LRMDA: variants seen among roughly 807,000 people sequenced by gnomAD.
The protein encoded by LRMDA is leucine rich melanocyte differentiation associated.
Under a neutral mutation model 29.8 loss-of-function variants are expected in LRMDA, and 18 were observed. The ratio of observed to expected loss-of-function variants is 0.60; its 90% CI spans 0.42 to 0.90. The LOEUF (loss-of-function observed/expected upper bound fraction) is 0.90. Among genes scored for constraint, LRMDA ranks in the 40% least tolerant of loss-of-function variants. The pLI, the probability that LRMDA is intolerant of heterozygous loss-of-function variation, is 0.00. For synonymous variants in LRMDA, 125 were observed against 109.4 expected (o/e 1.14, Z -0.89); for missense variants, 273 against 273.9 (o/e 1.00, Z 0.02).
intron 6 of LRMDA, among the ~76,000 whole-genome samples, chr10:76,364,509 T>C (rs900869339): frequency 1.1e-4 from 3 of 28,338 alleles, no homozygotes; most frequent in Admixed American, 2.2e-4. Context: ...GAAAAGTTTA[T>C]GTAAAATTTC....
chr10:76,363,168 AGAAAGAAAGGAGG>A (rs1841337416), intron 6 of LRMDA, among the ~76,000 whole-genome samples: 2 of 25,738 alleles, frequency 7.8e-5, no homozygotes, highest in African/African-American at 2.8e-4. Context: ...AAAGAAAGAA[AGAAAGAAAGGAGG>A]GAGGGAGGGA....
chr10:75,762,353 G>GT (rs1206455984), intron 2 of LRMDA, among the ~76,000 whole-genome samples: 2 of 152,182 alleles, frequency 1.3e-5, no homozygotes, highest in African/African-American at 4.8e-5. Context: ...AACATTATGA[G>GT]TTTTTTCTGT....
At chr10:76,058,827 A>C in intron 5 of LRMDA, 44 bp downstream of exon 5, 462 of 1,455,498 alleles carry the variant, frequency 3.2e-4, no homozygotes, top group Non-Finnish European at 4.0e-4. Flanking sequence ...TTTACATCTC[A>C]TGGCAGTGCT....
At chr10:76,048,490 TCGCATTAGCAAAAGTAC>T (rs1848478584) in intron 4 of LRMDA, among the ~76,000 whole-genome samples, 1 of 152,172 alleles carries the variant, frequency 6.6e-6, no homozygotes, top group Admixed American at 6.5e-5. Context: ...TTGTAACTGG[TCGCATTAGCAAAAGTAC>T]TAAGACCAAG....
At chr10:76,228,041 TAGAC>T (rs1851992365) in intron 5 of LRMDA, among the ~76,000 whole-genome samples, 1 of 143,502 alleles carries the variant, frequency 7.0e-6, no homozygotes, top group Non-Finnish European at 1.5e-5. Context: ...TTTTTTTTTT[TAGAC>T]AGAGTCTCGC....
chr10:75,846,177 T>TGTGTGTGTGTGTG (rs1844633347), intron 2 of LRMDA, among the ~76,000 whole-genome samples: 12 of 142,976 alleles, frequency 8.4e-5, no homozygotes, highest in African/African-American at 3.2e-4. Context: ...GTGTGTGTGT[T>TGTGTGTGTGTGTG]TGTGTGTGTG....
intron 5 of LRMDA, among the ~76,000 whole-genome samples, chr10:76,146,313 T>C (rs560391011): frequency 1.4e-3 from 209 of 151,990 alleles, no homozygotes; most frequent in Non-Finnish European, 9.3e-4. Context: ...CCATTATTAA[T>C]GTGTGGGAGT....
intron 5 of LRMDA, among the ~76,000 whole-genome samples, chr10:76,198,989 A>G (rs1851379846): frequency 6.6e-6 from 1 of 152,080 alleles, no homozygotes. Context: ...GTGCTTTTTT[A>G]TTGAATTGGA....
At chr10:75,566,893 C>T (rs953628916) in intron 2 of LRMDA, among the ~76,000 whole-genome samples, 3 of 152,194 alleles carry the variant, frequency 2.0e-5, no homozygotes, top group African/African-American at 7.2e-5. Context: ...GCCACTACTC[C>T]TCTGGCCTTC....
intron 2 of LRMDA, among the ~76,000 whole-genome samples, chr10:75,729,076 C>T (rs1161855279): frequency 6.6e-6 from 1 of 152,184 alleles, no homozygotes; most frequent in African/African-American, 2.4e-5. Context: ...ACTCCCCCAG[C>T]CCTCTCTTTT....
At chr10:76,392,341 A>C (rs543805674) in intron 6 of LRMDA, among the ~76,000 whole-genome samples, 1 of 152,146 alleles carries the variant, frequency 6.6e-6, no homozygotes, top group Non-Finnish European at 1.5e-5. Context: ...TCAACAGACA[A>C]AAATTGTATA....
chr10:76,547,092 C>T (rs1843431123), intron 6 of LRMDA, among the ~76,000 whole-genome samples: 1 of 152,086 alleles, frequency 6.6e-6, no homozygotes, highest in Admixed American at 6.5e-5. Flanking sequence ...TGTATTGATC[C>T]ATTTTTCATT....
chr10:76,215,584 G>A (rs1461148201), intron 5 of LRMDA, among the ~76,000 whole-genome samples: 1 of 151,680 alleles, frequency 6.6e-6, no homozygotes, highest in Non-Finnish European at 1.5e-5. Context: ...GTAATCCAAA[G>A]CCCTTTTTTA....
At chr10:75,690,988 T>TAC (rs1476550881) in intron 2 of LRMDA, among the ~76,000 whole-genome samples, 9 of 95,750 alleles carry the variant, frequency 9.4e-5, no homozygotes, top group Non-Finnish European at 1.4e-4. Flanking sequence ...AATATATATA[T>TAC]ATATATACAC....
At chr10:76,141,384 C>T (rs1850197398) in intron 5 of LRMDA, among the ~76,000 whole-genome samples, 1 of 151,972 alleles carries the variant, frequency 6.6e-6, no homozygotes, top group African/African-American at 2.4e-5. Context: ...TGAAATACAC[C>T]TGGTAATACA....
At chr10:75,882,245 T>A (rs944859494) in intron 2 of LRMDA, among the ~76,000 whole-genome samples, 4 of 152,012 alleles carry the variant, frequency 2.6e-5, no homozygotes, top group African/African-American at 9.7e-5. Flanking sequence ...AGGAATCTTA[T>A]TTTTTTTAAA....
intron 5 of LRMDA, among the ~76,000 whole-genome samples, chr10:76,064,085 G>A (rs541936685): frequency 9.2e-5 from 14 of 152,168 alleles, no homozygotes; most frequent in Non-Finnish European, 1.6e-4. Flanking sequence ...TGTTGTATGT[G>A]TTCTAATTAC....
chr10:76,186,586 G>A lies in LRMDA; in HGVS notation c.516+127803G>A, dbSNP rs138632947. Among the ~76,000 whole-genome samples, 770 of 152,304 alleles carry A rather than the reference G, an allele frequency of 5.1e-3. 5 individuals are homozygous for A. Among genetic ancestry groups the A allele is most frequent in the Non-Finnish European group, 8.1e-3 (554 of 68,018 alleles). On this transcript the variant is annotated intron_variant, in intron 5 of 6. Coordinates refer to ENST00000611255, the MANE Select transcript of LRMDA (RefSeq NM_001305581.2). Reference sequence around the variant, plus strand: ...CTCTGGTGGGTTAGGACCACCCTCCGCCTGGCACTGAGTGGGTACTCTGTC... The same window carrying A: ...CTCTGGTGGGTTAGGACCACCCTCCACCTGGCACTGAGTGGGTACTCTGTC...
chr10:76,343,767 G>A (rs368630143), intron 6 of LRMDA, among the ~76,000 whole-genome samples: 41 of 150,696 alleles, frequency 2.7e-4, no homozygotes, highest in African/African-American at 9.7e-4. Context: ...GAGATTACAG[G>A]CATCAAAGTG....
Sources: gnomAD v4.1 joint callset for allele counts (sites outside exome capture counted in the v4.1 genomes callset) on GRCh38, gnomAD v4.1.1 for gene constraint, MANE v1.5 for transcripts, NCBI Gene and HGNC (gene_info 2026-07-23, HGNC 2026-07-21) for gene names.